Variants in DDX10 observed in about 807,000 individuals in gnomAD.
The protein encoded by DDX10 is DEAD-box helicase 10.
In DDX10, 74 loss-of-function variants were observed where a neutral mutation model predicts 104.3. The observed-to-expected ratio is 0.71, with a 90% CI of 0.59 to 0.86. DDX10 has a LOEUF of 0.86. DDX10 is among the 40% of genes least tolerant of loss of function. The pLI is 0.00. For missense variants in DDX10, 952 were observed against 1,040.0 expected (o/e 0.92, Z 1.16); for synonymous variants, 351 against 353.4 (o/e 0.99, Z 0.08).
chr11:108,786,512 C>T (rs1861792963), intron 13 of DDX10, among the ~76,000 whole-genome samples: 1 of 151,160 alleles, frequency 6.6e-6, no homozygotes, highest in South Asian at 2.1e-4. Flanking sequence ...TCAGGAAGAA[C>T]TTGTTTTATG....
At chr11:108,705,498 A>T (rs1398248624) in intron 9 of DDX10, among the ~76,000 whole-genome samples, 1 of 152,020 alleles carries the variant, frequency 6.6e-6, no homozygotes, top group Admixed American at 6.6e-5. Context: ...TTTAGCACCT[A>T]CTTATTTACT....
intron 16 of DDX10, among the ~76,000 whole-genome samples, chr11:108,862,915 T>C (rs1462699830): frequency 6.6e-6 from 1 of 152,214 alleles, no homozygotes; most frequent in Non-Finnish European, 1.5e-5. Context: ...ATGTGACTAC[T>C]GTAACTTTAT....
At chr11:108,869,322 A>G (rs1458444360) in intron 16 of DDX10, among the ~76,000 whole-genome samples, 1 of 151,910 alleles carries the variant, frequency 6.6e-6, no homozygotes, top group Non-Finnish European at 1.5e-5. Flanking sequence ...TTCATCACTC[A>G]TCTTCTCTTT....
chr11:108,768,456 ATGAGAAGTGTCC>A (rs1287030325), intron 13 of DDX10, among the ~76,000 whole-genome samples: 1 of 152,250 alleles, frequency 6.6e-6, no homozygotes, highest in Admixed American at 6.5e-5. Flanking sequence ...TATATACAAT[ATGAGAAGTGTCC>A]TGAGGAAGAG....
At chr11:108,713,383 A>G (rs909817983) in intron 10 of DDX10, among the ~76,000 whole-genome samples, 42 of 152,196 alleles carry the variant, frequency 2.8e-4, no homozygotes, top group Non-Finnish European at 1.9e-4. Context: ...GTTTTCAGTC[A>G]GGTTTGGAAG....
intron 13 of DDX10, among the ~76,000 whole-genome samples, chr11:108,794,596 C>G (rs1056270862): frequency 1.3e-5 from 2 of 151,542 alleles, no homozygotes; most frequent in African/African-American, 4.9e-5. Context: ...TGAATTTTGT[C>G]AAATGCCTTT....
chr11:108,682,808 A>G (rs2094237430), intron 6 of DDX10, among the ~76,000 whole-genome samples: 1 of 152,164 alleles, frequency 6.6e-6, no homozygotes, highest in Admixed American at 6.5e-5. Context: ...CTTGTTAGTG[A>G]AACAGCGTTT....
At position 108,867,158 on chromosome 11, in the gene DDX10, A is replaced by G. The variant is rs534069468; in HGVS notation, c.2304+14949A>G. On this transcript the variant is annotated intron_variant, in intron 16 of 17. Coordinates refer to ENST00000322536, the MANE Select transcript of DDX10 (RefSeq NM_004398.4). ...CACAGGTTATTACCAGCAGAATTTT[A>G]CCTGGAAAGTAGAGATTCTTAAAGT... is the stretch of plus-strand genomic sequence containing the variant. Among the ~76,000 whole-genome samples, 10 of 152,322 alleles carry G rather than the reference A, an allele frequency of 6.6e-5. No homozygotes were observed. In the South Asian group the frequency reaches 2.1e-3, roughly 32 times the overall value.
intron 16 of DDX10, among the ~76,000 whole-genome samples, chr11:108,905,316 G>T (rs938066178): frequency 6.7e-6 from 1 of 149,488 alleles, no homozygotes; most frequent in African/African-American, 2.5e-5. Flanking sequence ...TGTTTAAGGG[G>T]GGGGGGGGTT....
chr11:108,815,028 A>G (rs1016583147), intron 13 of DDX10, among the ~76,000 whole-genome samples: 20 of 152,326 alleles, frequency 1.3e-4, no homozygotes, highest in African/African-American at 4.8e-4. Context: ...AATGTTCTTT[A>G]TTTTAAAATT....
chr11:108,726,808 A>G (rs1191454221), intron 13 of DDX10, among the ~76,000 whole-genome samples: 3 of 151,988 alleles, frequency 2.0e-5, no homozygotes, highest in African/African-American at 7.2e-5. Context: ...ATTACATCTG[A>G]TGTTAGCTGT....
chr11:108,695,468 G>C (rs2094258418), intron 9 of DDX10, among the ~76,000 whole-genome samples: 1 of 152,214 alleles, frequency 6.6e-6, no homozygotes, highest in South Asian at 2.1e-4. Flanking sequence ...TGGCAGGCTT[G>C]CTTTACCACC....
At chr11:108,732,541 G>C (rs1319226626) in intron 13 of DDX10, among the ~76,000 whole-genome samples, 1 of 152,210 alleles carries the variant, frequency 6.6e-6, no homozygotes, top group Non-Finnish European at 1.5e-5. Flanking sequence ...CTGAGTGCCA[G>C]GTGCAAGCAA....
At chr11:108,914,047 A>G (rs530973860) in intron 16 of DDX10, among the ~76,000 whole-genome samples, 7 of 152,344 alleles carry the variant, frequency 4.6e-5, no homozygotes, top group African/African-American at 9.6e-5. Flanking sequence ...GATGTTGTCA[A>G]TTACAAGAGT....
intron 13 of DDX10, among the ~76,000 whole-genome samples, chr11:108,760,421 A>G (rs1042724666): frequency 1.3e-5 from 2 of 152,016 alleles, no homozygotes; most frequent in Non-Finnish European, 1.5e-5. Context: ...AAGAATGACT[A>G]CTACATCTAA....
chr11:108,934,868 C>A (rs1430955547), intron 17 of DDX10, among the ~76,000 whole-genome samples: 1 of 152,212 alleles, frequency 6.6e-6, no homozygotes, highest in Admixed American at 6.5e-5. Context: ...AGACAGGAGC[C>A]TGTGCACCCA....
At position 108,852,142 on chromosome 11, in the gene DDX10, C is replaced by G. The variant is rs761712887; in HGVS notation, c.2248-11C>G. On this transcript the variant is annotated splice_polypyrimidine_tract_variant and intron_variant, in intron 15 of 17. Coordinates refer to ENST00000322536, the MANE Select transcript of DDX10 (RefSeq NM_004398.4). ...TATGCTGCTAATTTTTCTCCTCTTCCTTGTCTCCAGGAGAAAAGACTGAAA... is the reference window on the plus strand; with the variant it reads ...TATGCTGCTAATTTTTCTCCTCTTCGTTGTCTCCAGGAGAAAAGACTGAAA... 2.5e-6 allele frequency: 4 copies of G among 1,605,826 alleles called. 1 individual carries two copies. In the East Asian group the frequency reaches 6.7e-5, roughly 27 times the overall value.
chr11:108,818,241 G>C (rs1862281199), intron 13 of DDX10, among the ~76,000 whole-genome samples: 1 of 152,190 alleles, frequency 6.6e-6, no homozygotes, highest in East Asian at 1.9e-4. Flanking sequence ...GTGAGAGGCA[G>C]TTTGTTCATT....
intron 6 of DDX10, among the ~76,000 whole-genome samples, chr11:108,685,696 A>G (rs527440068): frequency 7.9e-5 from 12 of 152,354 alleles, no homozygotes; most frequent in African/African-American, 2.6e-4. Flanking sequence ...GCTGATAATT[A>G]CAAATGGTAT....
Sources: gnomAD v4.1 joint callset for allele counts (sites outside exome capture counted in the v4.1 genomes callset) on GRCh38, gnomAD v4.1.1 for gene constraint, MANE v1.5 for transcripts, NCBI Gene and HGNC (gene_info 2026-07-23, HGNC 2026-07-21) for gene names.